The following GTF2H1 variants were observed in gnomAD, a reference collection of about 807,000 sequenced individuals.
GTF2H1 encodes general transcription factor IIH subunit 1, also known as BTF2 p62.
Under a neutral mutation model 71.2 loss-of-function variants are expected in GTF2H1, and 16 were observed. The ratio of observed to expected loss-of-function variants is 0.22; its 90% confidence interval spans 0.15 to 0.34. GTF2H1 has a LOEUF of 0.34. GTF2H1 is among the 10% of genes least tolerant of loss of function. The pLI is 1.00. For synonymous variants in GTF2H1, 215 were observed against 219.0 expected, an observed-to-expected ratio of 0.98 and a Z score of 0.16; for missense variants, 498 against 648.2, an observed-to-expected ratio of 0.77 and a Z score of 2.52.
At chr11:18,327,941 G>C (rs1864803593) in intron 1 of GTF2H1, among the ~76,000 whole-genome samples, 1 of 152,172 alleles carries the variant, frequency 6.6e-6, no homozygotes, top group East Asian at 1.9e-4. Context: ...GGGTGTAGTG[G>C]CTCACGCCTG....
At position 18,351,920 on chromosome 11, in the gene GTF2H1, A is replaced by G; in HGVS notation, c.1093A>G (p.Lys365Glu). 3.8e-6 allele frequency: 6 copies of G among 1,598,242 alleles called. No homozygotes were observed. Among genetic ancestry groups the G allele is most frequent in the East Asian group, 2.2e-5 (1 of 44,668 alleles). ...GTCCATTGAATATGAAGACTTGGGGAAAAATAATTCTGTAAAAACGATTGC... is the reference window on the plus strand; with the variant it reads ...GTCCATTGAATATGAAGACTTGGGGGAAAATAATTCTGTAAAAACGATTGC... ...QESIEYEDLG[K>E]NNSVKTIALN... The change falls in exon 10 of 15, where the codon AAA becomes GAA. Residue 365 changes from lysine to glutamate, a missense_variant. By Grantham distance (56) the Lys-to-Glu change is moderately conservative (BLOSUM62 1). Coordinates refer to ENST00000265963, the MANE Select transcript of GTF2H1 (RefSeq NM_005316.4).
intron 9 of GTF2H1, among the ~76,000 whole-genome samples, chr11:18,350,653 T>TA (rs1865401663): frequency 6.6e-6 from 1 of 152,254 alleles, no homozygotes; most frequent in Admixed American, 6.5e-5. Flanking sequence ...TGGAGCAATT[T>TA]AAAACGTTAA....
rs543538007 is a variant in GTF2H1, at chr11:18,347,941, C to A, written c.1053+22C>A. 4 of 1,481,862 alleles carry A rather than the reference C, an allele frequency of 2.7e-6. No homozygotes were observed. The African/African-American group carries it at 4.1e-5, about 15-fold the overall frequency. The allele number at this position is 1,481,862 out of a possible 1,614,324, so 91.8% of individuals were successfully genotyped here. A position where few individuals can be genotyped will look rare whatever the true frequency, so the allele number is the denominator to read the frequency against. On this transcript the variant is annotated intron_variant, in intron 9 of 14. Coordinates refer to ENST00000265963, the MANE Select transcript of GTF2H1 (RefSeq NM_005316.4). ...AAGGGTATGGGCAAAAAAATATGAA[C>A]CATTTGGGGCTCAAGTTTCTCCAAA...
chr11:18,358,462 T>A (rs1211789906), intron 12 of GTF2H1, 63 bp from the exon 13 acceptor site: 2 of 907,692 alleles, frequency 2.2e-6, no homozygotes, highest in African/African-American at 3.3e-5. Flanking sequence ...GAGTGGTCAT[T>A]TTTTTCGAGA....
intron 2 of GTF2H1, among the ~76,000 whole-genome samples, chr11:18,334,533 G>A (rs987351355): frequency 4.6e-5 from 7 of 152,142 alleles, no homozygotes; most frequent in East Asian, 3.8e-4. Flanking sequence ...TAATACACAC[G>A]CACATTGTGA....
chr11:18,333,528 G>A (rs2133958298), intron 2 of GTF2H1: 1 of 193,860 alleles, frequency 5.2e-6, no homozygotes, highest in Non-Finnish European at 1.0e-5. Flanking sequence ...GCCCTCTGTG[G>A]TTGGACACTT....
In GTF2H1 at chr11:18,354,275, T is replaced by A. The variant is rs538448914; in HGVS notation, c.1260+1829T>A. On this transcript the variant is annotated intron_variant, in intron 11 of 14. Transcript: ENST00000265963. ...GATTTGTATATATCCTAGCTTGTGA[T>A]ATTAAATTTTTTCACTTGGTTAAAG... Among the ~76,000 whole-genome samples the A allele has an allele frequency of 2.0e-5, 3 of 152,378 alleles. No homozygotes were observed. In the South Asian group the frequency reaches 6.2e-4, roughly 32 times the overall value.
At chr11:18,355,917 C>G (rs1349763755) in intron 11 of GTF2H1, among the ~76,000 whole-genome samples, 2 of 152,172 alleles carry the variant, frequency 1.3e-5, no homozygotes, top group Non-Finnish European at 2.9e-5. Flanking sequence ...TACAGTCAAA[C>G]CCTTCCTACC....
At chr11:18,344,536 T>A (rs781015815) in intron 7 of GTF2H1, among the ~76,000 whole-genome samples, 17 of 144,710 alleles carry the variant, frequency 1.2e-4, no homozygotes, top group Non-Finnish European at 2.4e-4. Context: ...GGAGAGTCGC[T>A]GGAACCGGGG....
intron 7 of GTF2H1, chr11:18,341,912 A>AT (rs571460638): frequency 3.5e-5 from 7 of 198,888 alleles, no homozygotes; most frequent in Non-Finnish European, 6.1e-5. Flanking sequence ...TCTAGCTAAC[A>AT]TTTAATCTAA....
chr11:18,359,567 T>C (rs1241915129), intron 13 of GTF2H1, among the ~76,000 whole-genome samples: 1 of 152,120 alleles, frequency 6.6e-6, no homozygotes, highest in East Asian at 1.9e-4. Context: ...TTTAGAAATT[T>C]AGGAAATAAT....
intron 9 of GTF2H1, among the ~76,000 whole-genome samples, chr11:18,351,237 A>AAAAAAAT (rs59500473): frequency 3.4e-3 from 510 of 151,120 alleles, no homozygotes; most frequent in African/African-American, 0.012. Context: ...GAAAAAAAAA[A>AAAAAAAT]TTTTTTAAGC....
rs767341061 is a variant in GTF2H1, at chr11:18,351,945, C to T, written c.1118C>T (p.Ala373Val). The T allele has an allele frequency of 6.3e-7, 1 of 1,591,406 alleles. No individual in the cohort carries two copies. Among genetic ancestry groups the T allele is most frequent in the Non-Finnish European group, 8.6e-7 (1 of 1,159,682 alleles). Residue 373 changes from alanine (A) to valine (V), a missense_variant, in exon 10 of 15, where the codon GCA (alanine) becomes GTA (valine). Physicochemically the swap from Ala to Val is moderately conservative, Grantham distance 64. Transcript: ENST00000265963. Reference sequence around the variant, plus strand: ...AAAAATAATTCTGTAAAAACGATTGCACTAAACCTCAAGAAGTCAGATAGG... The same window carrying T: ...AAAAATAATTCTGTAAAAACGATTGTACTAAACCTCAAGAAGTCAGATAGG... The part of the protein sequence containing the change: ...LGKNNSVKTI[A>V]LNLKKSDRYY...
At chr11:18,349,005 C>G (rs558052180) in intron 9 of GTF2H1, among the ~76,000 whole-genome samples, 26 of 152,298 alleles carry the variant, frequency 1.7e-4, no homozygotes, top group African/African-American at 6.3e-4. Flanking sequence ...AGCAATTCTT[C>G]TGCCTCAGCC....
intron 5 of GTF2H1, 27 bp from the exon 6 acceptor site, chr11:18,341,234 A>G (rs754733352): frequency 1.9e-6 from 3 of 1,585,944 alleles, no homozygotes; most frequent in Non-Finnish European, 1.7e-6. Flanking sequence ...AATTCAGTAT[A>G]TAATATTTGT....
At chr11:18,352,550 A>G (rs1404342202) in intron 11 of GTF2H1, 104 bp downstream of exon 11, 3 of 585,562 alleles carry the variant, frequency 5.1e-6, no homozygotes, top group Non-Finnish European at 9.3e-6. Context: ...AATTGGGCTT[A>G]AAGACATAGT....
Position 18,335,865 on chromosome 11 carries a change from G to C in GTF2H1, c.266G>C (p.Arg89Pro). The C allele has an allele frequency of 6.2e-7, 1 of 1,614,056 alleles. No homozygotes were observed. Among genetic ancestry groups the C allele is most frequent in the Non-Finnish European group, 8.5e-7 (1 of 1,179,920 alleles). The change falls in exon 3 of 15, where the codon CGA becomes CCA. Residue 89 changes from arginine (R) to proline (P), a missense_variant. Physicochemically the swap from Arg to Pro is moderately radical, Grantham distance 103. Coordinates refer to ENST00000265963, the MANE Select transcript of GTF2H1 (RefSeq NM_005316.4). ...AATGAAAGCACAGCAGTGAAAGAGC[G>C]AGATGCAGTAAAAGACCTTCTTCAG... ...FSNESTAVKE[R>P]DAVKDLLQQL...
chr11:18,342,376 C>G (rs1029036448), intron 7 of GTF2H1, among the ~76,000 whole-genome samples: 1 of 150,892 alleles, frequency 6.6e-6, no homozygotes, highest in African/African-American at 2.4e-5. Flanking sequence ...ATTCTCCTGC[C>G]TCAGCCTCCC....
At chr11:18,332,745 T>C (rs1462459147) in intron 1 of GTF2H1, 1 of 172,002 alleles carries the variant, frequency 5.8e-6, no homozygotes, top group Non-Finnish European at 1.2e-5. Context: ...AAATATAGAC[T>C]ATATGAAAGA....
Sources: allele counts gnomAD v4.1 joint callset (sites outside exome capture counted in the v4.1 genomes callset), GRCh38; gene constraint gnomAD v4.1.1; transcripts MANE v1.5; gene names NCBI Gene and HGNC (gene_info 2026-07-23, HGNC 2026-07-21).